The following PDZRN3 variants were observed in gnomAD, a reference collection of about 807,000 sequenced individuals.
PDZRN3 encodes the protein PDZ domain containing ring finger 3.
Under a neutral mutation model 85.7 loss-of-function variants are expected in PDZRN3, and 38 were observed. The ratio of observed to expected loss-of-function variants is 0.44; its 90% CI spans 0.34 to 0.58. PDZRN3 has a LOEUF of 0.58. Ranked by LOEUF, PDZRN3 falls within the 20% of genes least tolerant of loss-of-function variation. PDZRN3 has a pLI of 0.01. For missense variants in PDZRN3, 1,629 were observed against 1,506.4 expected, an observed-to-expected ratio of 1.08 and a Z score of -1.35; for synonymous variants, 759 against 638.0, an observed-to-expected ratio of 1.19 and a Z score of -2.86.
intron 3 of PDZRN3, among the ~76,000 whole-genome samples, chr3:73,530,428 C>A (rs1480219827): frequency 6.6e-6 from 1 of 152,158 alleles, no homozygotes; most frequent in Admixed American, 6.5e-5. Flanking sequence ...ACCACAGTAT[C>A]AATGACAACA....
intron 1 of PDZRN3, among the ~76,000 whole-genome samples, chr3:73,614,861 G>A (rs1470534679): frequency 2.6e-5 from 4 of 152,148 alleles, no homozygotes. Flanking sequence ...AAGCAGTTTG[G>A]ACCAGCCCTG....
chr3:73,494,801 T>C (rs1703836400), intron 3 of PDZRN3, among the ~76,000 whole-genome samples: 1 of 152,214 alleles, frequency 6.6e-6, no homozygotes, highest in Non-Finnish European at 1.5e-5. Context: ...ACATAATTTT[T>C]TAGAGAATGA....
At chr3:73,406,818 G>T (rs534672091) in intron 3 of PDZRN3, among the ~76,000 whole-genome samples, 178 of 152,292 alleles carry the variant, frequency 1.2e-3, no homozygotes, top group African/African-American at 4.2e-3. Flanking sequence ...GCTAGGTGAG[G>T]AGAGGATGGG....
At chr3:73,612,348 T>C (rs1354462911) in intron 1 of PDZRN3, among the ~76,000 whole-genome samples, 2 of 152,186 alleles carry the variant, frequency 1.3e-5, no homozygotes, top group Non-Finnish European at 2.9e-5. Context: ...TGCTGGTAAA[T>C]GTTTGCACCC....
intron 7 of PDZRN3, 87 bp downstream of exon 7, chr3:73,389,729 C>T: frequency 1.0e-6 from 1 of 971,966 alleles, no homozygotes; most frequent in South Asian, 1.3e-5. Context: ...ACCGCTTCTG[C>T]ATTTTCAACC....
intron 3 of PDZRN3, among the ~76,000 whole-genome samples, chr3:73,537,769 G>A (rs770877195): frequency 1.1e-4 from 17 of 149,252 alleles, no homozygotes; most frequent in African/African-American, 4.2e-4. Context: ...ACAGGCCTGC[G>A]CCACCACACC....
chr3:73,491,516 A>T (rs1338834883), intron 3 of PDZRN3, among the ~76,000 whole-genome samples: 1 of 151,570 alleles, frequency 6.6e-6, no homozygotes, highest in East Asian at 1.9e-4. Flanking sequence ...TCATGGGAAG[A>T]AGAGCCCTTG....
rs560153080 is a variant in PDZRN3 at position 73,483,431 on chromosome 3, G to A, written c.919-79036C>T. On this transcript the variant is annotated intron_variant, in intron 3 of 9. Coordinates refer to ENST00000263666, the MANE Select transcript of PDZRN3 (RefSeq NM_015009.3). Reference sequence around the variant, plus strand: ...TGTCCCAGGGAGGAAATGTGCCCTGGGTTCACAAATGCTGAAGTGTTTACA... The same window carrying A: ...TGTCCCAGGGAGGAAATGTGCCCTGAGTTCACAAATGCTGAAGTGTTTACA... Among the ~76,000 whole-genome samples, 107 of 152,244 alleles carry A rather than the reference G, an allele frequency of 7.0e-4. 1 individual carries two copies. The highest frequency in any genetic ancestry group is 1.2e-3 in the Non-Finnish European group (85 of 68,024).
intron 3 of PDZRN3, among the ~76,000 whole-genome samples, chr3:73,460,850 G>A (rs1196285541): frequency 6.6e-6 from 1 of 152,036 alleles, no homozygotes; most frequent in East Asian, 1.9e-4. Context: ...CTGTAGTGCA[G>A]TGGCACAATC....
intron 3 of PDZRN3, among the ~76,000 whole-genome samples, chr3:73,434,880 G>A (rs1702501981): frequency 6.6e-6 from 1 of 152,214 alleles, no homozygotes; most frequent in Admixed American, 6.5e-5. Flanking sequence ...CTGTCCTGCT[G>A]AGTAAGCCTG....
At chr3:73,587,567 A>G (rs566185154) in intron 3 of PDZRN3, among the ~76,000 whole-genome samples, 9 of 152,346 alleles carry the variant, frequency 5.9e-5, no homozygotes, top group African/African-American at 2.2e-4. Flanking sequence ...GGATTCCCCA[A>G]TTTCTGGTCA....
In PDZRN3 at chr3:73,536,033, G is replaced by A. The variant is rs151253758; in HGVS notation, c.918+66321C>T. ...CCCTTAACACATACAAACAATAAAT[G>A]TGATTGAGCTACACCAACAACAACA... On this transcript the variant is annotated intron_variant, in intron 3 of 9. Coordinates refer to ENST00000263666, the MANE Select transcript of PDZRN3 (RefSeq NM_015009.3). 5.3e-4 allele frequency among the ~76,000 whole-genome samples: 80 copies of A among 152,322 alleles called. 1 individual carries two copies. In the East Asian group the frequency reaches 0.011, roughly 21 times the overall value.
At chr3:73,546,171 G>C (rs909209280) in intron 3 of PDZRN3, among the ~76,000 whole-genome samples, 1 of 152,168 alleles carries the variant, frequency 6.6e-6, no homozygotes, top group African/African-American at 2.4e-5. Flanking sequence ...GAATAACTCT[G>C]GGTGAAATTC....
At chr3:73,409,954 T>C (rs1458723481) in intron 3 of PDZRN3, among the ~76,000 whole-genome samples, 1 of 152,224 alleles carries the variant, frequency 6.6e-6, no homozygotes, top group Non-Finnish European at 1.5e-5. Context: ...AATGACCTCA[T>C]ATAAAGTACG....
rs549439807 is a variant in PDZRN3, at chr3:73,392,320, A to G, written c.1255-1204T>C. On this transcript the variant is annotated intron_variant, in intron 5 of 9. Coordinates refer to ENST00000263666, the MANE Select transcript of PDZRN3 (RefSeq NM_015009.3). ...TGAGTAGCTAAGATTTTATTTCAACATAATGGGAACCCATCAAAAGGTTTT... is the reference window on the plus strand; with the variant it reads ...TGAGTAGCTAAGATTTTATTTCAACGTAATGGGAACCCATCAAAAGGTTTT... Among the ~76,000 whole-genome samples, 21 of 152,360 alleles carry G rather than the reference A, an allele frequency of 1.4e-4. No individual in the cohort carries two copies. The South Asian group carries it at 4.4e-3, about 32-fold the overall frequency.
At chr3:73,620,845 G>A (rs13064902) in intron 1 of PDZRN3, among the ~76,000 whole-genome samples, 72,666 of 151,872 alleles carry the variant, frequency 0.48, 20,269 homozygotes, top group East Asian at 0.7. Context: ...CAAAGTGCTG[G>A]GATTACAGGC....
At chr3:73,461,083 C>T (rs575934821) in intron 3 of PDZRN3, among the ~76,000 whole-genome samples, 3 of 152,178 alleles carry the variant, frequency 2.0e-5, no homozygotes, top group East Asian at 3.9e-4. Flanking sequence ...CATGAGCCAC[C>T]GTACCTGGCC....
chr3:73,448,875 C>T (rs1309589511), intron 3 of PDZRN3, among the ~76,000 whole-genome samples: 1 of 152,234 alleles, frequency 6.6e-6, no homozygotes, highest in South Asian at 2.1e-4. Flanking sequence ...GGACAGGCAC[C>T]TTTTATATTT....
At chr3:73,482,722 C>T (rs1703589756) in intron 3 of PDZRN3, among the ~76,000 whole-genome samples, 1 of 152,140 alleles carries the variant, frequency 6.6e-6, no homozygotes, top group African/African-American at 2.4e-5. Context: ...TCTGGACAGC[C>T]CCCCAGCAAC....
Sources: gnomAD v4.1 joint callset for allele counts (sites outside exome capture counted in the v4.1 genomes callset) on GRCh38, gnomAD v4.1.1 for gene constraint, MANE v1.5 for transcripts, NCBI Gene and HGNC (gene_info 2026-07-23, HGNC 2026-07-21) for gene names.